CBLB: variants seen among roughly 807,000 people sequenced by gnomAD.
CBLB encodes Cbl proto-oncogene B, also known as E3 ubiquitin-protein ligase CBL-B.
In CBLB, 31 loss-of-function variants were observed where a neutral mutation model predicts 104.9. The ratio of observed to expected loss-of-function variants is 0.30; its 90% CI spans 0.22 to 0.40. The LOEUF (loss-of-function observed/expected upper bound fraction) is 0.40, where lower values mean the gene tolerates loss of function less well. CBLB is among the 10% of genes least tolerant of loss of function. The pLI is 1.00. For missense variants in CBLB, 1,062 were observed against 1,214.6 expected, an observed-to-expected ratio of 0.87 and a Z score of 1.87; for synonymous variants, 440 against 422.6, an observed-to-expected ratio of 1.04 and a Z score of -0.51.
intron 6 of CBLB, 70 bp from the exon 7 acceptor site, chr3:105,740,701 T>TTTA: frequency 7.4e-7 from 1 of 1,350,340 alleles, no homozygotes; most frequent in Non-Finnish European, 1.1e-6. Flanking sequence ...ATTTGTTAGG[T>TTTA]TTCTTCCAAG....
In CBLB at chr3:105,704,315, T is replaced by C. The variant is rs530455153; in HGVS notation, c.1408-142A>G. 3.4e-5 allele frequency: 26 copies of C among 762,390 alleles called. No individual in the cohort carries two copies. The South Asian group carries it at 3.5e-4, about 10-fold the overall frequency. The allele number at this position is 762,390 out of a possible 1,614,324, so 47.2% of individuals were successfully genotyped here. A position where few individuals can be genotyped will look rare whatever the true frequency, so the allele number is the denominator to read the frequency against. ...AATTCCCTTAGTTTACCCTGATTAA[T>C]AGAAGCAAATAGTTCATACTGTCCC... On this transcript the variant is annotated intron_variant, in intron 10 of 18. Transcript: ENST00000394030.
At chr3:105,702,498 A>AAC in intron 11 of CBLB, 39 bp from the exon 12 acceptor site, 2 of 1,460,090 alleles carry the variant, frequency 1.4e-6, no homozygotes, top group South Asian at 1.3e-5. Context: ...AAAAAAAAAA[A>AAC]ACTAAAGGTT....
At chr3:105,791,172 T>C (rs1462569094) in intron 3 of CBLB, among the ~76,000 whole-genome samples, 3 of 152,204 alleles carry the variant, frequency 2.0e-5, no homozygotes, top group Non-Finnish European at 4.4e-5. Context: ...TGAAATATAA[T>C]CTAGATTTAA....
chr3:105,795,009 G>A (rs115797335), intron 3 of CBLB, among the ~76,000 whole-genome samples: 5,106 of 151,918 alleles, frequency 0.034, 98 homozygotes, highest in Middle Eastern at 0.065. Flanking sequence ...TGTCTCCCGG[G>A]TTCAAGAGAT....
intron 18 of CBLB, among the ~76,000 whole-genome samples, chr3:105,668,946 T>C (rs537936965): frequency 6.6e-6 from 1 of 152,340 alleles, no homozygotes; most frequent in East Asian, 1.9e-4. Context: ...CAAAAGTTCA[T>C]ATAGGAAAAC....
chr3:105,693,420 C>A (rs1256370136), intron 13 of CBLB, 74 bp downstream of exon 13: 1 of 810,550 alleles, frequency 1.2e-6, no homozygotes, highest in East Asian at 2.7e-5. Context: ...AGTGTCTGTA[C>A]TGAGAACCTC....
chr3:105,684,166 C>T (rs3772540), intron 14 of CBLB, among the ~76,000 whole-genome samples: 10,510 of 152,270 alleles, frequency 0.069, 558 homozygotes, highest in East Asian at 0.28. Flanking sequence ...CCCTATCCCT[C>T]AGTCAGTCAT....
intron 3 of CBLB, among the ~76,000 whole-genome samples, chr3:105,852,897 A>G (rs564493658): frequency 1.3e-5 from 2 of 152,080 alleles, no homozygotes; most frequent in Non-Finnish European, 2.9e-5. Context: ...TTGTATTTTT[A>G]GTAGAGACAG....
intron 4 of CBLB, among the ~76,000 whole-genome samples, chr3:105,761,913 A>T (rs1160034865): frequency 6.6e-6 from 1 of 152,182 alleles, no homozygotes. Flanking sequence ...GATATGGACA[A>T]TGAAGTGCAG....
chr3:105,867,304 T>G, intron 2 of CBLB, 106 bp downstream of exon 2: 1 of 1,050,570 alleles, frequency 9.5e-7, no homozygotes, highest in South Asian at 1.3e-5. Flanking sequence ...ATCAAAAGAT[T>G]GTTGCCATAA....
Position 105,868,932 on chromosome 3 carries a change from C to A in CBLB, c.-211G>T. 2.0e-6 allele frequency: 2 copies of A among 1,025,124 alleles called. No homozygotes were observed. Among genetic ancestry groups the A allele is most frequent in the Non-Finnish European group, 2.3e-6 (2 of 855,672 alleles). The allele number at this position is 1,025,124 out of a possible 1,614,324, so 63.5% of individuals were successfully genotyped here. ...ATTACCGTCAAGACAAATCCACACC[C>A]GCTCTCCCCTCCCGCCCGACTCGGG... On this transcript the variant is annotated 5_prime_UTR_variant, in exon 1 of 19. Transcript: ENST00000394030.
rs748748877 is a variant in CBLB at position 105,693,500 on chromosome 3, C to G, written c.2048G>C (p.Ser683Thr). ...CAAATTCAACAAAACTCACTTTATG[C>G]TAGGGAGGAGGGTGGTAACTGGAGG... ...PPPPVTTLLP[S>T]IKCTGPLANS... The change falls in exon 13 of 19, where the codon AGC becomes ACC. Residue 683 changes from serine (S) to threonine (T), a missense_variant. Around this residue, in one of 2 missense-constraint regions of CBLB, gnomAD observed 605 missense variants for 582.6 expected, o/e 1.04. Coordinates refer to ENST00000394030, the MANE Select transcript of CBLB (RefSeq NM_170662.5). The G allele has an allele frequency of 6.2e-7, 1 of 1,605,224 alleles. No individual in the cohort carries two copies. The highest frequency in any genetic ancestry group is 8.5e-7 in the Non-Finnish European group (1 of 1,172,518).
At chr3:105,723,083 A>G (rs2073114596) in intron 9 of CBLB, among the ~76,000 whole-genome samples, 1 of 152,182 alleles carries the variant, frequency 6.6e-6, no homozygotes, top group Non-Finnish European at 1.5e-5. Context: ...TACTTACTCT[A>G]ATATGACTTC....
intron 3 of CBLB, among the ~76,000 whole-genome samples, chr3:105,796,822 G>A (rs978750965): frequency 6.6e-6 from 1 of 152,134 alleles, no homozygotes; most frequent in Non-Finnish European, 1.5e-5. Context: ...ACAAGCATAG[G>A]AAAAAATGTT....
intron 18 of CBLB, among the ~76,000 whole-genome samples, chr3:105,665,192 C>T (rs2064237678): frequency 6.6e-6 from 1 of 151,788 alleles, no homozygotes; most frequent in Admixed American, 6.6e-5. Flanking sequence ...CACCTGAGGT[C>T]AGGAATTCAA....
chr3:105,772,086 A>G (rs2078938683), intron 4 of CBLB, among the ~76,000 whole-genome samples: 1 of 152,178 alleles, frequency 6.6e-6, no homozygotes, highest in African/African-American at 2.4e-5. Context: ...AAGCGAAAAG[A>G]ACAAATCTGG....
At chr3:105,693,439 A>ACC in intron 13 of CBLB, 55 bp downstream of exon 13, 1 of 697,820 alleles carries the variant, frequency 1.4e-6, no homozygotes, top group Non-Finnish European at 2.0e-6. Context: ...TCTCAAAACC[A>ACC]CTCTACCATA....
intron 3 of CBLB, among the ~76,000 whole-genome samples, chr3:105,847,072 T>C (rs1017616993): frequency 1.3e-5 from 2 of 152,076 alleles, no homozygotes; most frequent in African/African-American, 4.8e-5. Context: ...CTTGTTATTA[T>C]TGTGGCTGCT....
intron 7 of CBLB, among the ~76,000 whole-genome samples, chr3:105,739,085 T>C (rs868555279): frequency 1.3e-5 from 2 of 152,100 alleles, no homozygotes; most frequent in African/African-American, 4.8e-5. Flanking sequence ...TTTTTTTGCA[T>C]TTTTTGTAGA....
Sources: gnomAD v4.1 joint callset for allele counts (sites outside exome capture counted in the v4.1 genomes callset) on GRCh38, gnomAD v4.1.1 for gene constraint, gnomAD v4.1.1 regional missense constraint, MANE v1.5 for transcripts, NCBI Gene and HGNC (gene_info 2026-07-23, HGNC 2026-07-21) for gene names.